Variants in CFAP251 observed in about 807,000 individuals in gnomAD.
CFAP251 encodes the protein cilia and flagella associated protein 251.
CFAP251 carries 93 observed loss-of-function variants against 126.7 expected under a neutral mutation model. The ratio of observed to expected loss-of-function variants is 0.73; its 90% CI spans 0.62 to 0.87. The LOEUF is 0.87. Ranked by LOEUF, CFAP251 falls within the 40% of genes least tolerant of loss-of-function variation. The pLI is 0.00. For synonymous variants in CFAP251, 503 were observed against 506.9 expected (o/e 0.99, Z 0.10); for missense variants, 1,287 against 1,389.2 (o/e 0.93, Z 1.17).
chr12:121,960,980 G>A (rs914681457), intron 14 of CFAP251, among the ~76,000 whole-genome samples: 1 of 152,204 alleles, frequency 6.6e-6, no homozygotes, highest in Non-Finnish European at 1.5e-5. Context: ...TTCCCGGGCA[G>A]CAACAAGTTA....
At chr12:121,954,647 A>AAAAAAAC in intron 10 of CFAP251, among the ~76,000 whole-genome samples, 1 of 135,098 alleles carries the variant, frequency 7.4e-6, no homozygotes, top group Non-Finnish European at 1.7e-5. Context: ...AAAAAAAAAA[A>AAAAAAAC]AAAAAAAAAA....
rs1882237934 is a variant in CFAP251, at chr12:121,968,814, G to A, written c.2771+645G>A. On this transcript the variant is annotated intron_variant, in intron 17 of 21. Transcript: ENST00000288912. ...CTGTAAAGATCAGGTAGTTTAATAG[G>A]GGAAAAGCACCTAGTACAGAGCAAA... The A allele has an allele frequency of 2.0e-5, 17 of 854,470 alleles. No homozygotes were observed. In the South Asian group the frequency reaches 8.6e-4, roughly 43 times the overall value. 52.9% of individuals were successfully genotyped at this position (854,470 alleles called of 1,614,324 possible).
In CFAP251 at chr12:121,979,563, C is replaced by CTTTTTT. The variant is rs71082922; in HGVS notation, c.3006+3892_3006+3897dup. Among the ~76,000 whole-genome samples, 130 of 84,974 alleles carry CTTTTTT rather than the reference C, an allele frequency of 1.5e-3. 24 individuals carry two copies. Among genetic ancestry groups the CTTTTTT allele is most frequent in the South Asian group, 8.0e-3 (16 of 1,992 alleles). The allele number at this position is 84,974 out of a possible 152,430, so 55.7% of individuals were successfully genotyped here. ...GAGATCATTAGTCAGCTTTCTTCTTCTTTTTTTTTTTTTTTTTTTGAGACA... is the reference window on the plus strand; with the variant it reads ...GAGATCATTAGTCAGCTTTCTTCTTCTTTTTTTTTTTTTTTTTTTTTTTTTGAGACA... On this transcript the variant is annotated intron_variant, in intron 19 of 21. Coordinates refer to ENST00000288912, the MANE Select transcript of CFAP251 (RefSeq NM_144668.6).
intron 3 of CFAP251, among the ~76,000 whole-genome samples, chr12:121,925,354 T>C (rs1468595751): frequency 6.6e-6 from 1 of 151,446 alleles, no homozygotes; most frequent in African/African-American, 2.4e-5. Context: ...TTTCCTAGGA[T>C]TCATCCTTCC....
At chr12:121,933,348 C>T in intron 4 of CFAP251, 1 of 152,674 alleles carries the variant, frequency 6.5e-6, no homozygotes, top group Non-Finnish European at 1.5e-5. Flanking sequence ...AACAAGTGTT[C>T]AGGCCTGTGT....
intron 21 of CFAP251, chr12:122,001,939 G>A: frequency 6.9e-6 from 2 of 291,462 alleles, no homozygotes; most frequent in Non-Finnish European, 1.4e-5. Context: ...GAGAGACTTG[G>A]GGGCCAGGCA....
At chr12:121,993,756 A>T (rs1295728271) in intron 19 of CFAP251, among the ~76,000 whole-genome samples, 1 of 149,146 alleles carries the variant, frequency 6.7e-6, no homozygotes, top group Non-Finnish European at 1.5e-5. Flanking sequence ...AGAAGTGAGG[A>T]GCCCCTCTGC....
At chr12:121,935,812 G>A (rs1880872534) in intron 5 of CFAP251, among the ~76,000 whole-genome samples, 1 of 152,210 alleles carries the variant, frequency 6.6e-6, no homozygotes, top group Admixed American at 6.5e-5. Context: ...GGAAGGCCGG[G>A]GTTGTGTTCC....
At chr12:121,969,867 C>A in intron 17 of CFAP251, 1 of 985,448 alleles carries the variant, frequency 1.0e-6, no homozygotes, top group African/African-American at 1.7e-5. Flanking sequence ...AAGGCCTCTG[C>A]TTTCCAATAG....
intron 20 of CFAP251, among the ~76,000 whole-genome samples, chr12:122,000,576 AAAG>A (rs1883127287): frequency 6.6e-6 from 1 of 152,048 alleles, no homozygotes; most frequent in Non-Finnish European, 1.5e-5. Flanking sequence ...GAAAAAAAGA[AAAG>A]AAAAGAAAAC....
chr12:121,962,048 G>A lies in CFAP251; in HGVS notation c.2378G>A (p.Gly793Asp). The A allele has an allele frequency of 6.2e-7, 1 of 1,613,942 alleles. No individual in the cohort carries two copies. The highest frequency in any genetic ancestry group is 8.5e-7 in the Non-Finnish European group (1 of 1,180,032). ...CTGGACATTCACCACACCGACCAGGGCTGCTATCCCACCTGCATGGTCTGG... is the reference window on the plus strand; with the variant it reads ...CTGGACATTCACCACACCGACCAGGACTGCTATCCCACCTGCATGGTCTGG... The part of the protein sequence containing the change: ...EVLDIHHTDQ[G>D]CYPTCMVWYP... The change falls in exon 15 of 22, where the codon GGC (glycine) becomes GAC (aspartate). Residue 793 changes from glycine to aspartate, a missense_variant. Transcript: ENST00000288912.
intron 1 of CFAP251, among the ~76,000 whole-genome samples, chr12:121,920,156 C>A (rs1206469572): frequency 2.0e-5 from 3 of 149,776 alleles, no homozygotes; most frequent in African/African-American, 7.4e-5. Context: ...TGCACTCCAG[C>A]CTGGGCAACA....
chr12:121,980,162 G>A (rs940836182), intron 19 of CFAP251, among the ~76,000 whole-genome samples: 1 of 152,114 alleles, frequency 6.6e-6, no homozygotes, highest in African/African-American at 2.4e-5. Flanking sequence ...GTGCCACTCA[G>A]GTTGGCCAGG....
chr12:121,992,467 A>T (rs1439434314), intron 19 of CFAP251: 5 of 985,334 alleles, frequency 5.1e-6, no homozygotes, highest in Non-Finnish European at 6.0e-6. Context: ...GGTATGAGTA[A>T]CTCAGGCCCT....
chr12:122,000,440 T>A (rs1883121459), intron 20 of CFAP251, among the ~76,000 whole-genome samples: 1 of 151,002 alleles, frequency 6.6e-6, no homozygotes, highest in South Asian at 2.1e-4. Context: ...TAATCCCAGC[T>A]ACTTGGGAGG....
At position 121,951,490 on chromosome 12, in the gene CFAP251, G is replaced by T; in HGVS notation, c.1280G>T (p.Arg427Met). 1.3e-6 allele frequency: 2 copies of T among 1,581,414 alleles called. No homozygotes were observed. The highest frequency in any genetic ancestry group is 8.7e-7 in the Non-Finnish European group (1 of 1,154,802). Residue 427 changes from arginine to methionine, a missense_variant, in exon 9 of 22, where the codon AGG becomes ATG. Coordinates refer to ENST00000288912, the MANE Select transcript of CFAP251 (RefSeq NM_144668.6). Reference sequence around the variant, plus strand: ...TTTTCCTCTTATCAGTATGAAGAGAGGGATACACTGGCTCACAGTGCCCCA... The same window carrying T: ...TTTTCCTCTTATCAGTATGAAGAGATGGATACACTGGCTCACAGTGCCCCA... ...RAIYYAWYEE[R>M]DTLAHSAPLL...
At chr12:121,988,141 TATTAA>T (rs1164208235) in intron 19 of CFAP251, among the ~76,000 whole-genome samples, 5 of 152,014 alleles carry the variant, frequency 3.3e-5, no homozygotes, top group African/African-American at 1.2e-4. Flanking sequence ...ATTTCAAAAA[TATTAA>T]ATTAATGTTC....
intron 17 of CFAP251, among the ~76,000 whole-genome samples, chr12:121,971,049 G>T (rs1265044065): frequency 2.0e-5 from 3 of 152,204 alleles, no homozygotes; most frequent in Non-Finnish European, 4.4e-5. Context: ...AGAGGACCAG[G>T]TGCTCTTGCT....
At position 121,954,313 on chromosome 12, in the gene CFAP251, C is replaced by T. The variant is rs369016860; in HGVS notation, c.1514C>T (p.Thr505Met). The T allele has an allele frequency of 2.0e-5, 32 of 1,612,658 alleles. No individual in the cohort carries two copies. Among genetic ancestry groups the T allele is most frequent in the Admixed American group, 1.0e-4 (6 of 59,770 alleles). Residue 505 changes from threonine (T) to methionine (M), a missense_variant, in exon 10 of 22, where the codon ACG becomes ATG. Thr to Met is a moderately conservative substitution (Grantham distance 81). Transcript: ENST00000288912. ...KLVHLQKEGITVLTTIDSYIV... is the reference protein window; with the variant it reads ...KLVHLQKEGIMVLTTIDSYIV... ...GTTCATTTGCAGAAAGAGGGTATCA[C>T]GGTACTTACCACAATTGATAGGTAA...
Sources: allele counts gnomAD v4.1 joint callset (sites outside exome capture counted in the v4.1 genomes callset), GRCh38; gene constraint gnomAD v4.1.1; transcripts MANE v1.5; gene names NCBI Gene and HGNC (gene_info 2026-07-23, HGNC 2026-07-21).